TFDP2: variants seen among roughly 807,000 people sequenced by gnomAD.
TFDP2 encodes the protein transcription factor Dp-2 (E2F dimerization partner 2).
In TFDP2, 17 loss-of-function variants were observed where a neutral mutation model predicts 59.3. That is an observed-to-expected ratio of 0.29 (90% confidence interval 0.20 to 0.43). The LOEUF (loss-of-function observed/expected upper bound fraction) is 0.43. Among genes scored for constraint, TFDP2 ranks in the 20% least tolerant of loss-of-function variants. The pLI is 1.00. For missense variants in TFDP2, 391 were observed against 528.8 expected (o/e 0.74, Z 2.56); for synonymous variants, 180 against 194.7 (o/e 0.92, Z 0.63).
intron 3 of TFDP2, among the ~76,000 whole-genome samples, chr3:142,059,194 T>C (rs1002205349): frequency 1.3e-5 from 2 of 152,240 alleles, no homozygotes; most frequent in African/African-American, 4.8e-5. Context: ...TATAAATTGA[T>C]ACATGTATCA....
At chr3:142,058,904 G>A (rs980855028) in intron 3 of TFDP2, among the ~76,000 whole-genome samples, 2 of 152,134 alleles carry the variant, frequency 1.3e-5, no homozygotes, top group Non-Finnish European at 2.9e-5. Context: ...CTGGAAGTCA[G>A]AGGTGGGGTT....
At chr3:142,036,920 T>C (rs1394716709) in intron 3 of TFDP2, among the ~76,000 whole-genome samples, 1 of 152,204 alleles carries the variant, frequency 6.6e-6, no homozygotes, top group Non-Finnish European at 1.5e-5. Flanking sequence ...TCAAAATGTC[T>C]TTCCCCCTCT....
intron 4 of TFDP2, among the ~76,000 whole-genome samples, chr3:142,002,202 C>T (rs1423293718): frequency 1.3e-5 from 2 of 151,902 alleles, no homozygotes; most frequent in Non-Finnish European, 1.5e-5. Flanking sequence ...ACCATGTGGG[C>T]CAGGCTGTTC....
chr3:141,965,859 T>C (rs1335055655), intron 9 of TFDP2, among the ~76,000 whole-genome samples: 2 of 152,006 alleles, frequency 1.3e-5, no homozygotes, highest in African/African-American at 4.8e-5. Context: ...CATTGCTTAA[T>C]TCCTTTAATA....
At chr3:142,072,814 T>G (rs73232675) in intron 3 of TFDP2, among the ~76,000 whole-genome samples, 12,935 of 152,222 alleles carry the variant, frequency 0.085, 682 homozygotes, top group Middle Eastern at 0.14. Context: ...ATTGAATCAA[T>G]AGAGGAGAAG....
chr3:142,013,184 AAG>A (rs988561043), intron 3 of TFDP2, among the ~76,000 whole-genome samples: 2 of 152,056 alleles, frequency 1.3e-5, no homozygotes, highest in African/African-American at 4.8e-5. Context: ...CATTCTGAAA[AAG>A]AGAGAGAGAA....
At chr3:142,045,909 C>T (rs745470025) in intron 3 of TFDP2, among the ~76,000 whole-genome samples, 2 of 152,054 alleles carry the variant, frequency 1.3e-5, no homozygotes, top group Non-Finnish European at 2.9e-5. Flanking sequence ...AGGCGTGAGC[C>T]ACTGTGCCTG....
At chr3:142,123,276 A>G (rs1448817217) in intron 1 of TFDP2, among the ~76,000 whole-genome samples, 1 of 152,188 alleles carries the variant, frequency 6.6e-6, no homozygotes, top group African/African-American at 2.4e-5. Flanking sequence ...CTGGGACTAC[A>G]GGCGCGTGCC....
intron 3 of TFDP2, among the ~76,000 whole-genome samples, chr3:142,033,837 T>C (rs1946548171): frequency 6.6e-6 from 1 of 152,212 alleles, no homozygotes; most frequent in East Asian, 1.9e-4. Context: ...AAGGGTGAGA[T>C]AACTGAACCA....
chr3:142,051,220 G>A (rs762571833), intron 3 of TFDP2, among the ~76,000 whole-genome samples: 10 of 152,074 alleles, frequency 6.6e-5, no homozygotes, highest in Non-Finnish European at 1.5e-4. Context: ...CAACCTTCCT[G>A]CCTACCCCCC....
chr3:141,950,102 C>CTGG lies in TFDP2; in HGVS notation c.*2410_*2411insCCA, dbSNP rs1393197754. ...GATTACAGGCGAGAGGCACTGCACCCAGCCCATGGTTTCCTAACACTGCCT... is the reference window on the plus strand; with the variant it reads ...GATTACAGGCGAGAGGCACTGCACCCTGGAGCCCATGGTTTCCTAACACTGCCT... On this transcript the variant is annotated 3_prime_UTR_variant, in exon 13 of 13. Coordinates refer to ENST00000489671, the MANE Select transcript of TFDP2 (RefSeq NM_001178139.2). 6.6e-6 allele frequency: 1 copy of CTGG among 152,210 alleles called. No individual in the cohort carries two copies. The highest frequency in any genetic ancestry group is 6.6e-5 in the Admixed American group (1 of 15,256). 9.4% of individuals were successfully genotyped at this position (152,210 alleles called of 1,614,324 possible).
intron 6 of TFDP2, among the ~76,000 whole-genome samples, chr3:141,983,679 C>T (rs893032992): frequency 1.4e-5 from 2 of 147,512 alleles, no homozygotes; most frequent in Non-Finnish European, 3.0e-5. Flanking sequence ...AGAAGATATA[C>T]AAATAGCCAA....
At chr3:141,973,123 A>ATATTTTTTTTTTTTT in intron 8 of TFDP2, among the ~76,000 whole-genome samples, 87 of 57,980 alleles carry the variant, frequency 1.5e-3, no homozygotes, top group Non-Finnish European at 2.6e-3. Flanking sequence ...ATATATATAT[A>ATATTTTTTTTTTTTT]TTTTTTTTTT....
chr3:142,076,488 G>A lies in TFDP2; in HGVS notation c.82+16573C>T, dbSNP rs371019284. On this transcript the variant is annotated intron_variant, in intron 3 of 12. Coordinates refer to ENST00000489671, the MANE Select transcript of TFDP2 (RefSeq NM_001178139.2). ...TTTTGATGCAGCTATAAATAAAATG[G>A]AAGAAATGTTTCAAGTTTAAGGCAA... 1.2e-4 allele frequency among the ~76,000 whole-genome samples: 19 copies of A among 152,096 alleles called. 1 individual carries two copies. The highest frequency in any genetic ancestry group is 4.6e-4 in the African/African-American group (19 of 41,482).
rs1259325678 is a variant in TFDP2 at position 141,950,108 on chromosome 3, A to C, written c.*2405T>G. On this transcript the variant is annotated 3_prime_UTR_variant, in exon 13 of 13. Coordinates refer to ENST00000489671, the MANE Select transcript of TFDP2 (RefSeq NM_001178139.2). ...AGGCGAGAGGCACTGCACCCAGCCCATGGTTTCCTAACACTGCCTCACTTT... is the reference window on the plus strand; with the variant it reads ...AGGCGAGAGGCACTGCACCCAGCCCCTGGTTTCCTAACACTGCCTCACTTT... 2 of 152,142 alleles carry C rather than the reference A, an allele frequency of 1.3e-5. No individual in the cohort carries two copies. The highest frequency in any genetic ancestry group is 4.8e-5 in the African/African-American group (2 of 41,422). The allele number at this position is 152,142 out of a possible 1,614,324, so 9.4% of individuals were successfully genotyped here. A position where few individuals can be genotyped will look rare whatever the true frequency, so the allele number is the denominator to read the frequency against.
At chr3:142,029,358 C>T (rs1469264810) in intron 3 of TFDP2, among the ~76,000 whole-genome samples, 3 of 150,670 alleles carry the variant, frequency 2.0e-5, no homozygotes, top group Admixed American at 6.6e-5. Context: ...TTTTTTTTTC[C>T]ACTTTCCCAC....
At chr3:142,143,377 G>T (rs1292903070) in intron 1 of TFDP2, among the ~76,000 whole-genome samples, 1 of 152,098 alleles carries the variant, frequency 6.6e-6, no homozygotes, top group African/African-American at 2.4e-5. Flanking sequence ...ACAAGCACAG[G>T]CAACCAAAGC....
intron 1 of TFDP2, among the ~76,000 whole-genome samples, chr3:142,118,162 GAATC>G (rs1159017023): frequency 6.6e-6 from 1 of 151,994 alleles, no homozygotes; most frequent in Non-Finnish European, 1.5e-5. Context: ...AATATTAATA[GAATC>G]AAGGAACAAC....
chr3:142,073,466 C>G (rs577155773), intron 3 of TFDP2, among the ~76,000 whole-genome samples: 3,175 of 74,872 alleles, frequency 0.042, 720 homozygotes, highest in African/African-American at 0.14. Flanking sequence ...AACCCCCCCC[C>G]CCCCGCAAAA....
Sources: gnomAD v4.1 joint callset for allele counts (sites outside exome capture counted in the v4.1 genomes callset) on GRCh38, gnomAD v4.1.1 for gene constraint, MANE v1.5 for transcripts, NCBI Gene and HGNC (gene_info 2026-07-23, HGNC 2026-07-21) for gene names.